The following PPP3CA variants were observed in gnomAD, a reference collection of about 807,000 sequenced individuals.
The protein encoded by PPP3CA is protein phosphatase 3 catalytic subunit alpha, also known as CAM-PRP catalytic subunit.
In PPP3CA, 14 loss-of-function variants were observed where a neutral mutation model predicts 66.5. The ratio of observed to expected loss-of-function variants is 0.21; its 90% CI spans 0.14 to 0.33. PPP3CA has a LOEUF of 0.33. PPP3CA is among the 10% of genes least tolerant of loss of function. The pLI, the probability that PPP3CA is intolerant of heterozygous loss-of-function variation, is 1.00. For missense variants in PPP3CA, 317 were observed against 639.5 expected (o/e 0.50, Z 5.44); for synonymous variants, 232 against 226.2 (o/e 1.03, Z -0.23).
chr4:101,249,156 G>C (rs559022503), intron 1 of PPP3CA, among the ~76,000 whole-genome samples: 1 of 119,754 alleles, frequency 8.4e-6, no homozygotes, highest in South Asian at 2.8e-4. Context: ...GACAGAGCGA[G>C]ACTCTGTCTC....
rs535998453 is a variant in PPP3CA, at chr4:101,283,081, C to G, written c.58+63658G>C. On this transcript the variant is annotated intron_variant, in intron 1 of 13. Transcript: ENST00000394854. ...AAAAATGTAAAACAAAACAAAAAAC[C>G]CTTCAAAATCAAAACCTGCACTACT... 5.9e-5 allele frequency among the ~76,000 whole-genome samples: 9 copies of G among 152,236 alleles called. No individual in the cohort carries two copies. The East Asian group carries it at 1.7e-3, about 29-fold the overall frequency.
chr4:101,201,267 G>A (rs1385113545), intron 1 of PPP3CA, among the ~76,000 whole-genome samples: 2 of 152,156 alleles, frequency 1.3e-5, no homozygotes, highest in South Asian at 2.1e-4. Flanking sequence ...AAGGTGAGTG[G>A]AAATTAAATT....
chr4:101,193,557 A>G (rs1364486121), intron 2 of PPP3CA, among the ~76,000 whole-genome samples: 1 of 151,834 alleles, frequency 6.6e-6, no homozygotes, highest in African/African-American at 2.4e-5. Context: ...TGGTTTGCTC[A>G]CCTATCTAAA....
chr4:101,230,551 CTAAA>C (rs1041770729), intron 1 of PPP3CA, among the ~76,000 whole-genome samples: 15 of 151,344 alleles, frequency 9.9e-5, no homozygotes, highest in East Asian at 5.8e-4. Flanking sequence ...AACAAACAAA[CTAAA>C]TAAATAAATA....
At chr4:101,288,623 G>C (rs527560462) in intron 1 of PPP3CA, among the ~76,000 whole-genome samples, 1 of 151,696 alleles carries the variant, frequency 6.6e-6, no homozygotes, top group Admixed American at 6.6e-5. Context: ...GGGCAGAAGG[G>C]ATTAATAACA....
intron 1 of PPP3CA, among the ~76,000 whole-genome samples, chr4:101,252,623 C>T (rs1726713366): frequency 6.6e-6 from 1 of 152,096 alleles, no homozygotes; most frequent in Non-Finnish European, 1.5e-5. Context: ...TTTTAGTTTC[C>T]AGATCCTCTG....
intron 2 of PPP3CA, among the ~76,000 whole-genome samples, chr4:101,169,743 T>TC (rs1391087562): frequency 6.6e-6 from 1 of 151,908 alleles, no homozygotes; most frequent in Non-Finnish European, 1.5e-5. Context: ...ATGCCTTTTT[T>TC]TTTTTACTGC....
intron 2 of PPP3CA, among the ~76,000 whole-genome samples, chr4:101,177,595 A>G (rs1724103302): frequency 1.3e-5 from 2 of 152,284 alleles, no homozygotes; most frequent in South Asian, 2.1e-4. Context: ...GAACCAAAAC[A>G]AATGTCAAAC....
chr4:101,121,530 A>ATT (rs1722030613), intron 2 of PPP3CA, among the ~76,000 whole-genome samples: 1 of 152,116 alleles, frequency 6.6e-6, no homozygotes, highest in Admixed American at 6.6e-5. Flanking sequence ...CTACAGTTAT[A>ATT]TTGTATATAA....
In PPP3CA at chr4:101,146,447, C is replaced by CT. The variant is rs906744174; in HGVS notation, c.260-37370dup. Among the ~76,000 whole-genome samples, 414 of 145,108 alleles carry CT rather than the reference C, an allele frequency of 2.9e-3. 1 individual carries two copies. Among genetic ancestry groups the CT allele is most frequent in the Middle Eastern group, 7.2e-3 (2 of 278 alleles). The stretch of plus-strand genomic sequence containing the variant: ...AGAACCAGTACTAGAGAAAGAACCA[C>CT]TTTTTTTTTTTTTTAAATGGAGTCT... On this transcript the variant is annotated intron_variant, in intron 2 of 13. Coordinates refer to ENST00000394854, the MANE Select transcript of PPP3CA (RefSeq NM_000944.5).
At chr4:101,303,461 T>C (rs1006579123) in intron 1 of PPP3CA, among the ~76,000 whole-genome samples, 2 of 152,172 alleles carry the variant, frequency 1.3e-5, no homozygotes, top group Non-Finnish European at 2.9e-5. Flanking sequence ...TACAACTTTC[T>C]TTGCTCACTT....
intron 1 of PPP3CA, among the ~76,000 whole-genome samples, chr4:101,244,543 T>C (rs1726413560): frequency 6.6e-6 from 1 of 152,156 alleles, no homozygotes; most frequent in African/African-American, 2.4e-5. Context: ...ATAGTGCTAA[T>C]GAGGACTGAC....
chr4:101,316,085 C>A (rs1728875780), intron 1 of PPP3CA, among the ~76,000 whole-genome samples: 1 of 151,950 alleles, frequency 6.6e-6, no homozygotes. Context: ...ACTTCAACAT[C>A]TGCCCAGGAA....
rs1310589101 is a variant in PPP3CA, at chr4:101,304,712, A to G, written c.58+42027T>C. On this transcript the variant is annotated intron_variant, in intron 1 of 13. Transcript: ENST00000394854. ...CTAATAGGTTTTAATGTAAAAACTT[A>G]AAACTTCTAGGATAGTCACAGGTTT... is the stretch of plus-strand genomic sequence containing the variant. Among the ~76,000 whole-genome samples the G allele has an allele frequency of 2.0e-5, 3 of 152,330 alleles. No homozygotes were observed. The East Asian group carries it at 5.8e-4, about 29-fold the overall frequency.
intron 2 of PPP3CA, among the ~76,000 whole-genome samples, chr4:101,180,236 T>C (rs1218208871): frequency 6.6e-6 from 1 of 152,154 alleles, no homozygotes; most frequent in Admixed American, 6.6e-5. Context: ...AGCTTCCCTG[T>C]TTACTTTCAA....
chr4:101,264,581 C>CA (rs888989231), intron 1 of PPP3CA, among the ~76,000 whole-genome samples: 2 of 152,086 alleles, frequency 1.3e-5, no homozygotes, highest in African/African-American at 4.8e-5. Flanking sequence ...CAGAAAAATG[C>CA]AAAATGTACA....
intron 1 of PPP3CA, among the ~76,000 whole-genome samples, chr4:101,284,291 G>A (rs1727769836): frequency 6.6e-6 from 1 of 152,086 alleles, no homozygotes; most frequent in African/African-American, 2.4e-5. Flanking sequence ...AAGTCTTGGA[G>A]TTAACGTTAC....
At chr4:101,071,867 G>T (rs918645207) in intron 8 of PPP3CA, among the ~76,000 whole-genome samples, 2 of 152,172 alleles carry the variant, frequency 1.3e-5, no homozygotes, top group African/African-American at 2.4e-5. Context: ...AATCAAGAAG[G>T]TCATCTGTTG....
intron 8 of PPP3CA, among the ~76,000 whole-genome samples, chr4:101,072,991 AATG>A (rs1375221063): frequency 1.3e-5 from 2 of 151,456 alleles, no homozygotes; most frequent in African/African-American, 4.8e-5. Flanking sequence ...TCAAGGTGAC[AATG>A]ATAATGACAA....
Sources: gnomAD v4.1 joint callset for allele counts (sites outside exome capture counted in the v4.1 genomes callset) on GRCh38, gnomAD v4.1.1 for gene constraint, MANE v1.5 for transcripts, NCBI Gene and HGNC (gene_info 2026-07-23, HGNC 2026-07-21) for gene names.